The following CHRM2 variants were observed in gnomAD, a reference collection of about 807,000 sequenced individuals.
CHRM2 encodes the protein cholinergic receptor muscarinic 2.
In CHRM2, 8 loss-of-function variants were observed where a neutral mutation model predicts 25.0. The ratio of observed to expected loss-of-function variants is 0.32; its 90% CI spans 0.19 to 0.58. The LOEUF (loss-of-function observed/expected upper bound fraction) is 0.58. Ranked by LOEUF, CHRM2 falls within the 20% of genes least tolerant of loss-of-function variation. CHRM2 has a pLI of 0.88. For missense variants in CHRM2, 440 were observed against 567.1 expected, an observed-to-expected ratio of 0.78 and a Z score of 2.28; for synonymous variants, 202 against 205.7, an observed-to-expected ratio of 0.98 and a Z score of 0.15.
Position 136,966,441 on chromosome 7 carries a change from T to C in CHRM2, c.-124-25746T>C, listed in dbSNP as rs565618736. On this transcript the variant is annotated intron_variant, in intron 2 of 3. Coordinates refer to ENST00000680005, the MANE Select transcript of CHRM2 (RefSeq NM_001006630.2). The stretch of plus-strand genomic sequence containing the variant: ...TTATTGATTCATAAAATCCAAATCC[T>C]GAGGGTCACTAAGGTTTTCTTTTTC... Among the ~76,000 whole-genome samples the C allele has an allele frequency of 8.5e-5, 13 of 152,054 alleles. No homozygotes were observed. In the South Asian group the frequency reaches 2.7e-3, roughly 32 times the overall value.
chr7:136,904,103 TTTG>T (rs1797394829), intron 2 of CHRM2, among the ~76,000 whole-genome samples: 1 of 151,866 alleles, frequency 6.6e-6, no homozygotes, highest in Non-Finnish European at 1.5e-5. Flanking sequence ...GAGTTAAAAG[TTTG>T]TTTTTTTAAT....
chr7:136,870,957 T>A (rs1306324569), intron 2 of CHRM2: 1 of 152,568 alleles, frequency 6.6e-6, no homozygotes, highest in Non-Finnish European at 1.5e-5. Context: ...TAGCGCTGGG[T>A]GGCAGTGGGT....
intron 2 of CHRM2, among the ~76,000 whole-genome samples, chr7:136,906,214 CAT>C (rs1197523110): frequency 6.7e-6 from 1 of 150,156 alleles, no homozygotes; most frequent in East Asian, 2.0e-4. Context: ...TATACGCACA[CAT>C]ATATATGGTT....
intron 2 of CHRM2, among the ~76,000 whole-genome samples, chr7:136,991,206 C>A (rs890167605): frequency 7.9e-5 from 12 of 152,046 alleles, no homozygotes; most frequent in Non-Finnish European, 1.6e-4. Context: ...CATCACCATA[C>A]CCAAAGTCAT....
chr7:136,980,448 C>T (rs1191871682), intron 2 of CHRM2, among the ~76,000 whole-genome samples: 1 of 152,142 alleles, frequency 6.6e-6, no homozygotes, highest in Non-Finnish European at 1.5e-5. Flanking sequence ...TTTCTCTTGC[C>T]TGATTGCCCT....
intron 2 of CHRM2, among the ~76,000 whole-genome samples, chr7:136,884,485 C>CT (rs36100182): frequency 0.098 from 14,139 of 144,272 alleles, 684 homozygotes; most frequent in Non-Finnish European, 0.12. Context: ...AATGAAATGC[C>CT]TTTTTTTTTT....
Position 137,014,870 on chromosome 7 carries a change from A to T in CHRM2, c.5A>T (p.Asn2Ile), listed in dbSNP as rs1235081132. The T allele has an allele frequency of 1.2e-6, 2 of 1,612,976 alleles. No homozygotes were observed. The highest frequency in any genetic ancestry group is 1.7e-5 in the Admixed American group (1 of 59,920). The change falls in exon 4 of 4, where the codon AAT becomes ATT. Residue 2 changes from asparagine to isoleucine, a missense_variant. Coordinates refer to ENST00000680005, the MANE Select transcript of CHRM2 (RefSeq NM_001006630.2). The stretch of plus-strand genomic sequence containing the variant: ...CTACTGATTAGAGAACGCAAAATGA[A>T]TAACTCAACAAACTCCTCTAACAAT... M[N>I]NSTNSSNNSL...
chr7:136,977,759 T>A (rs1802200047), intron 2 of CHRM2, among the ~76,000 whole-genome samples: 1 of 152,184 alleles, frequency 6.6e-6, no homozygotes, highest in Non-Finnish European at 1.5e-5. Flanking sequence ...CACTTGTCAA[T>A]CATTTTTCTT....
intron 2 of CHRM2, among the ~76,000 whole-genome samples, chr7:136,884,899 A>AACTT (rs1430769770): frequency 2.0e-5 from 3 of 152,210 alleles, no homozygotes; most frequent in African/African-American, 7.2e-5. Flanking sequence ...TGAAGATCAA[A>AACTT]ACTTACAATG....
intron 2 of CHRM2, among the ~76,000 whole-genome samples, chr7:136,970,548 T>A (rs543866368): frequency 1.2e-4 from 19 of 152,318 alleles, no homozygotes; most frequent in African/African-American, 4.6e-4. Context: ...GTAATTTTTC[T>A]GAATGTAGGG....
At chr7:136,929,291 A>G (rs1215135430) in intron 2 of CHRM2, among the ~76,000 whole-genome samples, 3 of 151,278 alleles carry the variant, frequency 2.0e-5, no homozygotes, top group Non-Finnish European at 4.4e-5. Context: ...TTTAATGAAC[A>G]GAGCAAAGAA....
intron 2 of CHRM2, among the ~76,000 whole-genome samples, chr7:136,896,533 G>T (rs1796909244): frequency 6.6e-6 from 1 of 152,002 alleles, no homozygotes; most frequent in Admixed American, 6.6e-5. Context: ...AGCCTCCAGT[G>T]CTTTTGGATA....
chr7:137,013,185 T>C (rs979213371), intron 3 of CHRM2, among the ~76,000 whole-genome samples: 1 of 152,000 alleles, frequency 6.6e-6, no homozygotes, highest in Non-Finnish European at 1.5e-5. Flanking sequence ...TTTGACTTTT[T>C]TGCTCTATGC....
chr7:136,890,993 A>C (rs1413165164), intron 2 of CHRM2, among the ~76,000 whole-genome samples: 1 of 152,202 alleles, frequency 6.6e-6, no homozygotes, highest in African/African-American at 2.4e-5. Context: ...ACGATCCACT[A>C]ATTGCTAAGT....
intron 2 of CHRM2, among the ~76,000 whole-genome samples, chr7:136,880,700 C>A (rs1008085732): frequency 6.6e-6 from 1 of 151,562 alleles, no homozygotes; most frequent in Admixed American, 6.6e-5. Context: ...TTCCACAAAC[C>A]TTTTGGCCCC....
intron 2 of CHRM2, among the ~76,000 whole-genome samples, chr7:136,967,988 G>A (rs1306769099): frequency 6.6e-6 from 1 of 151,758 alleles, no homozygotes; most frequent in Non-Finnish European, 1.5e-5. Context: ...TCAAATGATG[G>A]GAATTTGAGA....
At chr7:136,999,834 C>T (rs373134324) in intron 3 of CHRM2, among the ~76,000 whole-genome samples, 9 of 152,102 alleles carry the variant, frequency 5.9e-5, no homozygotes, top group East Asian at 1.9e-4. Flanking sequence ...TGTTGGTGAA[C>T]GGGAAACAAC....
chr7:136,965,107 A>G (rs1223289532), intron 2 of CHRM2, among the ~76,000 whole-genome samples: 1 of 152,160 alleles, frequency 6.6e-6, no homozygotes, highest in East Asian at 1.9e-4. Flanking sequence ...GCAGACATGT[A>G]TATTGTGGTG....
chr7:136,885,318 C>G (rs940148894), intron 2 of CHRM2, among the ~76,000 whole-genome samples: 1 of 152,178 alleles, frequency 6.6e-6, no homozygotes, highest in Non-Finnish European at 1.5e-5. Flanking sequence ...CAAAAGTGAG[C>G]AGGTCTCACA....
Sources: gnomAD v4.1 joint callset for allele counts (sites outside exome capture counted in the v4.1 genomes callset) on GRCh38, gnomAD v4.1.1 for gene constraint, MANE v1.5 for transcripts, NCBI Gene and HGNC (gene_info 2026-07-23, HGNC 2026-07-21) for gene names.